Variants in CNTN4 observed in about 807,000 individuals in gnomAD.
CNTN4 encodes contactin-4.
Under a neutral mutation model 122.5 loss-of-function variants are expected in CNTN4, and 77 were observed. The ratio of observed to expected loss-of-function variants is 0.63; its 90% CI spans 0.52 to 0.76. The LOEUF (loss-of-function observed/expected upper bound fraction) is 0.76, where lower values mean the gene tolerates loss of function less well. CNTN4 is among the 30% of genes least tolerant of loss of function. CNTN4 has a pLI of 0.00. For synonymous variants in CNTN4, 512 were observed against 447.0 expected, an observed-to-expected ratio of 1.15 and a Z score of -1.83; for missense variants, 1,256 against 1,259.1, an observed-to-expected ratio of 1.00 and a Z score of 0.04.
intron 3 of CNTN4, among the ~76,000 whole-genome samples, chr3:2,480,857 G>C (rs1489409148): frequency 6.6e-6 from 1 of 152,144 alleles, no homozygotes; most frequent in Non-Finnish European, 1.5e-5. Flanking sequence ...ATGCTGTATA[G>C]CTACAGAAAT....
At chr3:2,403,718 A>G (rs2046936802) in intron 3 of CNTN4, among the ~76,000 whole-genome samples, 1 of 152,198 alleles carries the variant, frequency 6.6e-6, no homozygotes, top group African/African-American at 2.4e-5. Flanking sequence ...CATTTACAGT[A>G]TTACATCTAA....
At chr3:2,106,508 C>T (rs1179950416) in intron 2 of CNTN4, among the ~76,000 whole-genome samples, 5 of 152,252 alleles carry the variant, frequency 3.3e-5, no homozygotes, top group East Asian at 1.9e-4. Flanking sequence ...TTGGGGCTTA[C>T]ACCTTCCGAA....
chr3:2,960,821 T>A (rs2094845156), intron 13 of CNTN4, among the ~76,000 whole-genome samples: 2 of 152,192 alleles, frequency 1.3e-5, no homozygotes. Flanking sequence ...GACTGCTTGC[T>A]TTGGCCAATG....
At position 3,015,907 on chromosome 3, in the gene CNTN4, A is replaced by G. The variant is rs565440135; in HGVS notation, c.1487-10195A>G. Among the ~76,000 whole-genome samples, 162 of 152,290 alleles carry G rather than the reference A, an allele frequency of 1.1e-3. 1 individual carries two copies. The highest frequency in any genetic ancestry group is 3.8e-3 in the African/African-American group (159 of 41,556). On this transcript the variant is annotated intron_variant, in intron 14 of 24. Transcript: ENST00000418658. Reference sequence around the variant, plus strand: ...GCAATCACACATTCCTTTAATCAGCAAAGATCTTATTATGCCATTCTTACA... The same window carrying G: ...GCAATCACACATTCCTTTAATCAGCGAAGATCTTATTATGCCATTCTTACA...
intron 4 of CNTN4, among the ~76,000 whole-genome samples, chr3:2,628,251 C>T (rs2082285581): frequency 6.6e-6 from 1 of 152,118 alleles, no homozygotes; most frequent in Non-Finnish European, 1.5e-5. Flanking sequence ...TCCAAAGTAA[C>T]AGATGAGAGG....
intron 4 of CNTN4, among the ~76,000 whole-genome samples, chr3:2,712,083 C>A (rs2087185832): frequency 6.6e-6 from 1 of 152,096 alleles, no homozygotes; most frequent in Non-Finnish European, 1.5e-5. Flanking sequence ...AATATACATT[C>A]ATTAAAAATG....
intron 8 of CNTN4, among the ~76,000 whole-genome samples, chr3:2,870,749 T>G (rs181255164): frequency 2.2e-4 from 34 of 152,340 alleles, no homozygotes; most frequent in Non-Finnish European, 1.9e-4. Flanking sequence ...GCTAGACTTG[T>G]CATTTACTTT....
intron 4 of CNTN4, among the ~76,000 whole-genome samples, chr3:2,682,884 A>G (rs1194247666): frequency 6.6e-6 from 1 of 151,938 alleles, no homozygotes; most frequent in Admixed American, 6.6e-5. Flanking sequence ...GCAACAACAA[A>G]TTTTGCCCTT....
chr3:2,890,087 A>G (rs963943935), intron 10 of CNTN4, among the ~76,000 whole-genome samples: 22 of 152,248 alleles, frequency 1.4e-4, no homozygotes, highest in African/African-American at 5.3e-4. Flanking sequence ...CTTGTCAGCC[A>G]CGCTTGGTGT....
At chr3:2,109,999 T>G (rs1338288639) in intron 2 of CNTN4, among the ~76,000 whole-genome samples, 1 of 152,258 alleles carries the variant, frequency 6.6e-6, no homozygotes, top group East Asian at 1.9e-4. Flanking sequence ...AATGGTAAAT[T>G]AAGAGTTGCT....
chr3:2,186,546 A>G (rs2149311886), intron 2 of CNTN4, among the ~76,000 whole-genome samples: 1 of 152,346 alleles, frequency 6.6e-6, no homozygotes, highest in East Asian at 1.9e-4. Flanking sequence ...CAGTCCCACC[A>G]GCAGTGTAAA....
At chr3:2,105,026 C>T (rs899364341) in intron 2 of CNTN4, among the ~76,000 whole-genome samples, 3 of 152,070 alleles carry the variant, frequency 2.0e-5, no homozygotes, top group African/African-American at 7.2e-5. Flanking sequence ...TTTTCCTGTC[C>T]ACAGTAATTG....
At chr3:2,586,598 AAC>A (rs1382610141) in intron 4 of CNTN4, among the ~76,000 whole-genome samples, 1 of 152,030 alleles carries the variant, frequency 6.6e-6, no homozygotes, top group Non-Finnish European at 1.5e-5. Flanking sequence ...CCCCTCCACC[AAC>A]ACTCTTCTTT....
intron 4 of CNTN4, among the ~76,000 whole-genome samples, chr3:2,681,651 G>C (rs1454218007): frequency 6.6e-6 from 1 of 151,968 alleles, no homozygotes; most frequent in African/African-American, 2.4e-5. Flanking sequence ...ACACATGTAT[G>C]TATATTCTGT....
At chr3:2,428,001 C>A (rs1030014391) in intron 3 of CNTN4, among the ~76,000 whole-genome samples, 3 of 151,976 alleles carry the variant, frequency 2.0e-5, no homozygotes, top group African/African-American at 4.8e-5. Flanking sequence ...ATACAGCACA[C>A]TGACAGGTCT....
chr3:2,443,426 C>A (rs1035014668), intron 3 of CNTN4, among the ~76,000 whole-genome samples: 1 of 152,112 alleles, frequency 6.6e-6, no homozygotes, highest in African/African-American at 2.4e-5. Flanking sequence ...TGTGCCCATC[C>A]CTCCTTTTCT....
chr3:2,483,023 C>T (rs2076050033), intron 3 of CNTN4, among the ~76,000 whole-genome samples: 1 of 151,796 alleles, frequency 6.6e-6, no homozygotes. Context: ...GGTAGATCCA[C>T]CTACAGCTTG....
chr3:2,742,457 A>T (rs1466595348), intron 5 of CNTN4, among the ~76,000 whole-genome samples: 1 of 152,226 alleles, frequency 6.6e-6, no homozygotes, highest in Non-Finnish European at 1.5e-5. Context: ...TGAGGTTTGT[A>T]TTCAACTGAG....
intron 2 of CNTN4, among the ~76,000 whole-genome samples, chr3:2,226,869 A>T (rs1398480121): frequency 6.6e-6 from 1 of 152,170 alleles, no homozygotes; most frequent in Non-Finnish European, 1.5e-5. Flanking sequence ...TGTTACAAGA[A>T]CTTTAAAAAT....
Sources: gnomAD v4.1 joint callset for allele counts (sites outside exome capture counted in the v4.1 genomes callset) on GRCh38, gnomAD v4.1.1 for gene constraint, MANE v1.5 for transcripts, NCBI Gene and HGNC (gene_info 2026-07-23, HGNC 2026-07-21) for gene names.